CERKL: variants seen among roughly 807,000 people sequenced by gnomAD.
The protein encoded by CERKL is CERK like autophagy regulator.
In CERKL, 61 loss-of-function variants were observed where a neutral mutation model predicts 63.4. That is an observed-to-expected ratio of 0.96 (90% CI 0.78 to 1.19). CERKL has a LOEUF of 1.19. Among genes scored for constraint, CERKL ranks in the 50% most tolerant of loss-of-function variants. The probability of loss-of-function intolerance (pLI) is 0.00; values close to 1 mark genes in which losing one functional copy is unlikely to be tolerated. For missense variants in CERKL, 675 were observed against 655.5 expected, an observed-to-expected ratio of 1.03 and a Z score of -0.33; for synonymous variants, 250 against 230.5, an observed-to-expected ratio of 1.08 and a Z score of -0.77.
Position 181,542,630 on chromosome 2 carries a change from C to CAA in CERKL, c.1365+2068_1365+2069dup, listed in dbSNP as rs34005238. On this transcript the variant is annotated intron_variant, in intron 11 of 12. Coordinates refer to ENST00000410087, the MANE Select transcript of CERKL (RefSeq NM_201548.5). ...ATGCAAAATATTTTAGAATTCTTTG[C>CAA]AAAAAAAAAAAAAATAGCATGGATT... is the stretch of plus-strand genomic sequence containing the variant. Among the ~76,000 whole-genome samples the CAA allele has an allele frequency of 7.9e-3, 1,085 of 137,098 alleles. 11 individuals are homozygous for CAA. Among genetic ancestry groups the CAA allele is most frequent in the African/African-American group, 0.027 (1,015 of 37,564 alleles). 89.9% of individuals were successfully genotyped at this position (137,098 alleles called of 152,430 possible).
intron 1 of CERKL, among the ~76,000 whole-genome samples, chr2:181,646,614 C>T (rs985531978): frequency 4.6e-5 from 7 of 152,172 alleles, no homozygotes; most frequent in African/African-American, 1.7e-4. Context: ...AACAGCAGAT[C>T]AGACCACAGT....
chr2:181,576,920 C>G (rs1263066796), intron 2 of CERKL, among the ~76,000 whole-genome samples: 1 of 152,114 alleles, frequency 6.6e-6, no homozygotes, highest in Non-Finnish European at 1.5e-5. Flanking sequence ...TTGGTAGATT[C>G]AAATTGTGGT....
intron 4 of CERKL, among the ~76,000 whole-genome samples, chr2:181,562,981 A>C (rs1321749296): frequency 6.6e-6 from 1 of 152,188 alleles, no homozygotes; most frequent in Non-Finnish European, 1.5e-5. Flanking sequence ...GTAACTCAAC[A>C]ATTTTTTTAA....
chr2:181,582,449 G>A (rs916101044), intron 2 of CERKL, among the ~76,000 whole-genome samples: 2 of 150,594 alleles, frequency 1.3e-5, no homozygotes, highest in Non-Finnish European at 3.0e-5. Context: ...TAGTAGTATC[G>A]GTATAAAATG....
intron 2 of CERKL, among the ~76,000 whole-genome samples, chr2:181,581,973 TC>T (rs1684532983): frequency 6.6e-6 from 1 of 152,236 alleles, no homozygotes; most frequent in Non-Finnish European, 1.5e-5. Flanking sequence ...ACCTATTTCC[TC>T]CTCTGAATGA....
At chr2:181,646,431 G>A (rs946699493) in intron 1 of CERKL, among the ~76,000 whole-genome samples, 3 of 152,234 alleles carry the variant, frequency 2.0e-5, no homozygotes, top group African/African-American at 7.2e-5. Context: ...AGCTGATGCT[G>A]AATAATTAGT....
chr2:181,596,120 G>A (rs980416752), intron 2 of CERKL, among the ~76,000 whole-genome samples: 2 of 152,080 alleles, frequency 1.3e-5, no homozygotes, highest in South Asian at 2.1e-4. Flanking sequence ...TTGTTTCTCC[G>A]AAGAAGTTTT....
At chr2:181,643,405 A>G (rs1370949594) in intron 1 of CERKL, among the ~76,000 whole-genome samples, 1 of 152,208 alleles carries the variant, frequency 6.6e-6, no homozygotes, top group East Asian at 1.9e-4. Context: ...CACAGATGGG[A>G]GCAGATTATA....
chr2:181,623,689 G>A lies in CERKL; in HGVS notation c.239-19610C>T, dbSNP rs904344373. Among the ~76,000 whole-genome samples the A allele has an allele frequency of 4.6e-5, 7 of 152,298 alleles. No homozygotes were observed. The South Asian group carries it at 6.2e-4, about 14-fold the overall frequency. On this transcript the variant is annotated intron_variant, in intron 1 of 12. Transcript: ENST00000410087. ...GGAACAAAATAAGGGAGCATGCTGT[G>A]TAGGTACGGGTCTAGAATCTCTCAT...
At chr2:181,631,809 T>G (rs868240547) in intron 1 of CERKL, among the ~76,000 whole-genome samples, 2 of 152,158 alleles carry the variant, frequency 1.3e-5, no homozygotes, top group African/African-American at 4.8e-5. Context: ...GGAATAGAGT[T>G]TATTCTGAGT....
chr2:181,564,717 A>T (rs1427447414), intron 4 of CERKL, among the ~76,000 whole-genome samples: 1 of 152,154 alleles, frequency 6.6e-6, no homozygotes, highest in African/African-American at 2.4e-5. Flanking sequence ...CTCATTCTTT[A>T]ATCAAGTTTT....
intron 1 of CERKL, among the ~76,000 whole-genome samples, chr2:181,636,689 T>G (rs745791592): frequency 1.3e-5 from 2 of 152,312 alleles, no homozygotes; most frequent in Non-Finnish European, 2.9e-5. Flanking sequence ...AATTTTCTTT[T>G]TCTAGAATGG....
chr2:181,617,678 A>G (rs900079011), intron 1 of CERKL, among the ~76,000 whole-genome samples: 4 of 152,182 alleles, frequency 2.6e-5, no homozygotes, highest in South Asian at 2.1e-4. Flanking sequence ...AAAGGCCAAT[A>G]CAGGATGTTA....
chr2:181,552,216 G>T (rs868589121), intron 5 of CERKL, among the ~76,000 whole-genome samples: 11 of 152,142 alleles, frequency 7.2e-5, no homozygotes, highest in African/African-American at 2.4e-4. Flanking sequence ...AAATTCAAGA[G>T]ATCTGTTATA....
chr2:181,619,457 G>C (rs1464310982), intron 1 of CERKL, among the ~76,000 whole-genome samples: 1 of 151,898 alleles, frequency 6.6e-6, no homozygotes, highest in African/African-American at 2.4e-5. Flanking sequence ...CCTTTCTCCA[G>C]CTTCTCAGCA....
At chr2:181,654,583 C>T (rs1017709843) in intron 1 of CERKL, among the ~76,000 whole-genome samples, 1 of 152,156 alleles carries the variant, frequency 6.6e-6, no homozygotes, top group Non-Finnish European at 1.5e-5. Context: ...CAGTCACTTG[C>T]CAACCAGCAA....
At chr2:181,621,970 T>G (rs966160410) in intron 1 of CERKL, among the ~76,000 whole-genome samples, 1 of 152,186 alleles carries the variant, frequency 6.6e-6, no homozygotes, top group African/African-American at 2.4e-5. Context: ...TCCAGATGGA[T>G]TCAAGTTTCC....
intron 1 of CERKL, among the ~76,000 whole-genome samples, chr2:181,630,708 T>C (rs955987356): frequency 1.4e-4 from 21 of 152,170 alleles, no homozygotes; most frequent in Non-Finnish European, 4.4e-5. Flanking sequence ...TCAAGAACTG[T>C]GAGAAGATAA....
At chr2:181,573,401 T>C (rs1433472183) in intron 3 of CERKL, among the ~76,000 whole-genome samples, 3 of 152,072 alleles carry the variant, frequency 2.0e-5, no homozygotes, top group African/African-American at 4.8e-5. Flanking sequence ...ATCAACTATA[T>C]AAGTGAGCAA....
Sources: allele counts gnomAD v4.1 joint callset (sites outside exome capture counted in the v4.1 genomes callset), GRCh38; gene constraint gnomAD v4.1.1; transcripts MANE v1.5; gene names NCBI Gene and HGNC (gene_info 2026-07-23, HGNC 2026-07-21).